Variants in PIAS1 observed in about 807,000 individuals in gnomAD.
PIAS1 encodes E3 SUMO-protein ligase PIAS1.
Under a neutral mutation model 71.3 loss-of-function variants are expected in PIAS1, and 6 were observed. That is an observed-to-expected ratio of 0.08 (90% CI 0.05 to 0.17). The LOEUF is 0.17. Ranked by LOEUF, PIAS1 falls within the 10% of genes least tolerant of loss-of-function variation. The pLI, the probability that PIAS1 is intolerant of heterozygous loss-of-function variation, is 1.00. For synonymous variants in PIAS1, 303 were observed against 292.9 expected (o/e 1.03, Z -0.35); for missense variants, 555 against 793.6 (o/e 0.70, Z 3.61).
intron 2 of PIAS1, among the ~76,000 whole-genome samples, chr15:68,138,306 G>A: frequency 6.6e-6 from 1 of 152,092 alleles, no homozygotes; most frequent in Non-Finnish European, 1.5e-5. Context: ...CTCTTGAACT[G>A]CTTGAAAGTG....
intron 1 of PIAS1, among the ~76,000 whole-genome samples, chr15:68,065,449 G>A (rs988738183): frequency 6.6e-6 from 1 of 151,738 alleles, no homozygotes; most frequent in African/African-American, 2.4e-5. Flanking sequence ...AAATTAGCTG[G>A]GCATGTTGAT....
chr15:68,140,825 T>C (rs2092765116), intron 2 of PIAS1, among the ~76,000 whole-genome samples: 1 of 152,174 alleles, frequency 6.6e-6, no homozygotes, highest in Middle Eastern at 3.2e-3. Flanking sequence ...CAGAAGCCGA[T>C]AGTTTCTTAA....
intron 1 of PIAS1, among the ~76,000 whole-genome samples, chr15:68,081,929 A>G (rs2092233252): frequency 6.6e-6 from 1 of 151,944 alleles, no homozygotes; most frequent in Non-Finnish European, 1.5e-5. Context: ...GACCAACCCC[A>G]AGGCACAACA....
rs527535501 is a variant in PIAS1, at chr15:68,172,049, G to A, written c.1009-1683G>A. Reference sequence around the variant, plus strand: ...ATTTACATTAGGTATTTTTCCTAATGCTATCCCTCCCCCAGCCCCCCACCC... The same window carrying A: ...ATTTACATTAGGTATTTTTCCTAATACTATCCCTCCCCCAGCCCCCCACCC... On this transcript the variant is annotated intron_variant, in intron 8 of 13. Transcript: ENST00000249636. Among the ~76,000 whole-genome samples the A allele has an allele frequency of 7.2e-5, 11 of 152,072 alleles. 1 individual carries two copies. Among genetic ancestry groups the A allele is most frequent in the Admixed American group, 2.6e-4 (4 of 15,264 alleles).
intron 2 of PIAS1, among the ~76,000 whole-genome samples, chr15:68,112,087 C>A (rs2092527596): frequency 6.6e-6 from 1 of 152,118 alleles, no homozygotes; most frequent in Non-Finnish European, 1.5e-5. Context: ...AAGGCTTCCA[C>A]CAATATATAC....
intron 2 of PIAS1, among the ~76,000 whole-genome samples, chr15:68,099,435 T>C (rs529860672): frequency 6.6e-6 from 1 of 152,086 alleles, no homozygotes; most frequent in Admixed American, 6.5e-5. Context: ...TGTTGCACAT[T>C]AGCCATCAGT....
chr15:68,151,537 C>T (rs1286327794), intron 6 of PIAS1, among the ~76,000 whole-genome samples: 2 of 151,788 alleles, frequency 1.3e-5, no homozygotes, highest in East Asian at 3.9e-4. Context: ...AGAAGCTTTC[C>T]AGTTGGGCCT....
chr15:68,149,303 C>T (rs993706482), intron 6 of PIAS1, among the ~76,000 whole-genome samples: 3 of 149,102 alleles, frequency 2.0e-5, no homozygotes, highest in African/African-American at 7.4e-5. Flanking sequence ...ACTGGCAGGG[C>T]TGACATTGAT....
intron 11 of PIAS1, among the ~76,000 whole-genome samples, chr15:68,180,963 G>A (rs1272313716): frequency 6.6e-6 from 1 of 152,184 alleles, no homozygotes; most frequent in Non-Finnish European, 1.5e-5. Context: ...CAAAGGCAAT[G>A]TGAGGTTTGT....
chr15:68,099,994 A>G (rs12905922), intron 2 of PIAS1, among the ~76,000 whole-genome samples: 27,936 of 149,884 alleles, frequency 0.19, 2,827 homozygotes, highest in South Asian at 0.23. Context: ...TTGTTTTTAT[A>G]TTATTGACTT....
intron 1 of PIAS1, among the ~76,000 whole-genome samples, chr15:68,077,727 T>C (rs1046411065): frequency 1.3e-5 from 2 of 151,218 alleles, no homozygotes; most frequent in Non-Finnish European, 1.5e-5. Flanking sequence ...GTGTCTGTAG[T>C]TGTTATTACC....
chr15:68,139,521 A>G (rs7165825), intron 2 of PIAS1, among the ~76,000 whole-genome samples: 74,480 of 151,986 alleles, frequency 0.49, 18,991 homozygotes, highest in Middle Eastern at 0.56. Flanking sequence ...TTCCCAGTAC[A>G]AAGAAATGGT....
intron 4 of PIAS1, among the ~76,000 whole-genome samples, chr15:68,144,119 G>GAAA (rs11330725): frequency 8.0e-6 from 1 of 124,598 alleles, no homozygotes; most frequent in South Asian, 2.6e-4. Flanking sequence ...CCAGGACTTG[G>GAAA]AAAAAAAAAA....
At chr15:68,085,378 G>A (rs1410187305) in intron 1 of PIAS1, among the ~76,000 whole-genome samples, 1 of 152,072 alleles carries the variant, frequency 6.6e-6, no homozygotes. Context: ...TAGTAGGTGG[G>A]GAAAAAGGAG....
intron 4 of PIAS1, 60 bp from the exon 5 acceptor site, chr15:68,145,756 A>C (rs2092803722): frequency 4.3e-6 from 4 of 936,494 alleles, no homozygotes; most frequent in Non-Finnish European, 6.9e-6. Context: ...TCTATTTAAC[A>C]ATAATACTAA....
intron 2 of PIAS1, among the ~76,000 whole-genome samples, chr15:68,119,539 T>C (rs930867542): frequency 6.6e-6 from 1 of 152,170 alleles, no homozygotes; most frequent in Non-Finnish European, 1.5e-5. Flanking sequence ...CAGTATACTT[T>C]GTATGACTTG....
chr15:68,139,246 C>G (rs986932316), intron 2 of PIAS1, among the ~76,000 whole-genome samples: 9 of 152,116 alleles, frequency 5.9e-5, no homozygotes, highest in Non-Finnish European at 1.3e-4. Context: ...TTCTACTACT[C>G]TCTGTTGGGC....
chr15:68,063,099 A>G (rs1349337984), intron 1 of PIAS1, among the ~76,000 whole-genome samples: 3 of 152,228 alleles, frequency 2.0e-5, no homozygotes, highest in African/African-American at 7.2e-5. Flanking sequence ...ACTTAACAAT[A>G]GGAATGAAAA....
rs869104577 is a variant in PIAS1, at chr15:68,065,915, C to CTTTTTTTTTTTTTTTTT, written c.24+11577_24+11593dup. On this transcript the variant is annotated intron_variant, in intron 1 of 13. Transcript: ENST00000249636. ...GCCACCATGCTCAGCTGACTAAAAG[C>CTTTTTTTTTTTTTTTTT]TTTTTTTTTTTTTTTTTTTTTTTTT... is the stretch of plus-strand genomic sequence containing the variant. 4.0e-4 allele frequency among the ~76,000 whole-genome samples: 16 copies of CTTTTTTTTTTTTTTTTT among 40,174 alleles called. 3 individuals carry two copies. Among genetic ancestry groups the CTTTTTTTTTTTTTTTTT allele is most frequent in the African/African-American group, 1.9e-3 (14 of 7,532 alleles). The allele number at this position is 40,174 out of a possible 152,430, so 26.4% of individuals were successfully genotyped here.
Sources: gnomAD v4.1 joint callset for allele counts (sites outside exome capture counted in the v4.1 genomes callset) on GRCh38, gnomAD v4.1.1 for gene constraint, MANE v1.5 for transcripts, NCBI Gene and HGNC (gene_info 2026-07-23, HGNC 2026-07-21) for gene names.